CACNA2D3: variants seen among roughly 807,000 people sequenced by gnomAD.
CACNA2D3 encodes calcium voltage-gated channel auxiliary subunit alpha2delta 3.
A neutral mutation model predicts 160.6 loss-of-function variants in CACNA2D3; 60 were observed. The observed-to-expected ratio is 0.37, with a 90% confidence interval of 0.30 to 0.46. CACNA2D3 has a LOEUF of 0.46. Ranked by LOEUF, CACNA2D3 falls within the 20% of genes least tolerant of loss-of-function variation. The pLI is 1.00. For missense variants in CACNA2D3, 1,205 were observed against 1,365.0 expected (o/e 0.88, Z 1.85); for synonymous variants, 558 against 492.9 (o/e 1.13, Z -1.75).
At chr3:54,987,494 A>G (rs901201409) in intron 30 of CACNA2D3, among the ~76,000 whole-genome samples, 189 bp from the exon 31 acceptor site, 1 of 152,136 alleles carries the variant, frequency 6.6e-6, no homozygotes, top group Admixed American at 6.5e-5. Flanking sequence ...GGAAGCATTC[A>G]CATCTGCTCT....
chr3:54,173,221 G>T (rs1319791896), intron 2 of CACNA2D3, among the ~76,000 whole-genome samples: 1 of 152,164 alleles, frequency 6.6e-6, no homozygotes, highest in Non-Finnish European at 1.5e-5. Flanking sequence ...TGACTTATTT[G>T]ATCTTGGAAC....
intron 13 of CACNA2D3, 36 bp downstream of exon 13, chr3:54,764,387 T>C: frequency 6.2e-7 from 1 of 1,608,706 alleles, no homozygotes; most frequent in African/African-American, 1.3e-5. Flanking sequence ...AGGCTAAGCT[T>C]TACCCCCATC....
chr3:54,284,204 A>G (rs1158405835), intron 2 of CACNA2D3, among the ~76,000 whole-genome samples: 1 of 152,200 alleles, frequency 6.6e-6, no homozygotes, highest in Non-Finnish European at 1.5e-5. Flanking sequence ...CCAACATGGC[A>G]CATGTATACA....
intron 2 of CACNA2D3, among the ~76,000 whole-genome samples, chr3:54,172,864 C>G (rs1700603593): frequency 6.6e-6 from 1 of 152,198 alleles, no homozygotes; most frequent in Non-Finnish European, 1.5e-5. Flanking sequence ...TTCTTTCCTT[C>G]CCTCTAGCCA....
At chr3:55,043,718 A>T (rs1328474411) in intron 35 of CACNA2D3, among the ~76,000 whole-genome samples, 1 of 152,186 alleles carries the variant, frequency 6.6e-6, no homozygotes, top group African/African-American at 2.4e-5. Context: ...GCCTAACCCA[A>T]GGTCACAAAA....
At chr3:54,710,717 C>A (rs918665118) in intron 11 of CACNA2D3, among the ~76,000 whole-genome samples, 1 of 152,148 alleles carries the variant, frequency 6.6e-6, no homozygotes, top group Non-Finnish European at 1.5e-5. Context: ...AAGAGCCTCT[C>A]CCTATAGAAA....
At chr3:54,934,681 A>C (rs1249405932) in intron 27 of CACNA2D3, among the ~76,000 whole-genome samples, 3 of 152,124 alleles carry the variant, frequency 2.0e-5, no homozygotes, top group African/African-American at 7.2e-5. Flanking sequence ...AAGATATTGC[A>C]TACTGGTTCC....
intron 14 of CACNA2D3, among the ~76,000 whole-genome samples, chr3:54,829,321 A>T (rs1703817344): frequency 6.6e-6 from 1 of 152,082 alleles, no homozygotes; most frequent in Non-Finnish European, 1.5e-5. Context: ...TCTTTCCCTG[A>T]CATGTCTGCC....
chr3:54,995,526 C>T (rs938788371), intron 31 of CACNA2D3, among the ~76,000 whole-genome samples: 3 of 152,192 alleles, frequency 2.0e-5, no homozygotes, highest in African/African-American at 7.2e-5. Context: ...TTCAATGTAG[C>T]TGCTGAGCCC....
At chr3:54,854,006 C>T (rs1312027796) in intron 17 of CACNA2D3, among the ~76,000 whole-genome samples, 2 of 152,096 alleles carry the variant, frequency 1.3e-5, no homozygotes, top group African/African-American at 2.4e-5. Flanking sequence ...CAGTAGGTGG[C>T]GCGCGGGCAC....
At chr3:55,066,172 A>T (rs1416737311) in intron 35 of CACNA2D3, among the ~76,000 whole-genome samples, 1 of 152,198 alleles carries the variant, frequency 6.6e-6, no homozygotes, top group African/African-American at 2.4e-5. Context: ...GGAGAACAGG[A>T]TCCTGGTGGA....
intron 2 of CACNA2D3, among the ~76,000 whole-genome samples, chr3:54,215,184 C>T (rs1487502255): frequency 6.6e-6 from 1 of 152,134 alleles, no homozygotes; most frequent in Non-Finnish European, 1.5e-5. Flanking sequence ...TTCAAATATC[C>T]TACCCCCCAG....
Position 54,699,919 on chromosome 3 carries a change from C to G in CACNA2D3, c.1168-52680C>G, listed in dbSNP as rs568435852. 6.6e-5 allele frequency among the ~76,000 whole-genome samples: 10 copies of G among 152,248 alleles called. No homozygotes were observed. In the East Asian group the frequency reaches 1.9e-3, roughly 29 times the overall value. ...TACTAAATGAATAACCCAAACTATG[C>G]CAACCCAAACAACCATATTAACCAT... On this transcript the variant is annotated intron_variant, in intron 11 of 37. Transcript: ENST00000474759.
chr3:54,245,817 A>G (rs1702063030), intron 2 of CACNA2D3, among the ~76,000 whole-genome samples: 1 of 152,212 alleles, frequency 6.6e-6, no homozygotes, highest in Admixed American at 6.5e-5. Context: ...TTCATCTTCA[A>G]ATGAAAATGC....
At chr3:54,123,217 G>T (rs1456938356) in intron 1 of CACNA2D3, among the ~76,000 whole-genome samples, 1 of 152,022 alleles carries the variant, frequency 6.6e-6, no homozygotes, top group Non-Finnish European at 1.5e-5. Context: ...TGCCCAGTTT[G>T]GGGGGTCGAG....
At chr3:54,242,604 C>T (rs1416034714) in intron 2 of CACNA2D3, among the ~76,000 whole-genome samples, 1 of 152,172 alleles carries the variant, frequency 6.6e-6, no homozygotes, top group Non-Finnish European at 1.5e-5. Flanking sequence ...ATCTGCTCGC[C>T]CAGGCAGCTA....
At chr3:54,911,681 T>C (rs1700559688) in intron 27 of CACNA2D3, among the ~76,000 whole-genome samples, 1 of 152,124 alleles carries the variant, frequency 6.6e-6, no homozygotes, top group Non-Finnish European at 1.5e-5. Flanking sequence ...AAGCAGCAGC[T>C]TCTACCGCTT....
At chr3:54,335,536 G>A (rs1047137751) in intron 3 of CACNA2D3, among the ~76,000 whole-genome samples, 6 of 152,156 alleles carry the variant, frequency 3.9e-5, no homozygotes, top group African/African-American at 7.2e-5. Context: ...TCTCGTTGCC[G>A]TTTTGGTTTT....
chr3:54,686,571 A>C (rs1033392246), intron 11 of CACNA2D3, among the ~76,000 whole-genome samples: 1 of 152,228 alleles, frequency 6.6e-6, no homozygotes, highest in Non-Finnish European at 1.5e-5. Flanking sequence ...GGCTTAGTAC[A>C]TGGCTATGTT....
Sources: gnomAD v4.1 joint callset for allele counts (sites outside exome capture counted in the v4.1 genomes callset) on GRCh38, gnomAD v4.1.1 for gene constraint, MANE v1.5 for transcripts, NCBI Gene and HGNC (gene_info 2026-07-23, HGNC 2026-07-21) for gene names.